The following KCNQ5 variants were observed in gnomAD, a reference collection of about 807,000 sequenced individuals.
KCNQ5 encodes the protein potassium voltage-gated channel subfamily KQT member 5.
In KCNQ5, 30 loss-of-function variants were observed where a neutral mutation model predicts 98.2. The observed-to-expected ratio is 0.31, with a 90% confidence interval of 0.23 to 0.41. The LOEUF is 0.41. KCNQ5 is among the 10% of genes least tolerant of loss of function. The probability of loss-of-function intolerance (pLI) is 1.00; values close to 1 mark genes in which losing one functional copy is unlikely to be tolerated. For synonymous variants in KCNQ5, 458 were observed against 449.4 expected (o/e 1.02, Z -0.24); for missense variants, 835 against 1,182.5 (o/e 0.71, Z 4.31).
chr6:72,872,403 A>G (rs540811095), intron 1 of KCNQ5, among the ~76,000 whole-genome samples: 4 of 152,152 alleles, frequency 2.6e-5, no homozygotes, highest in Non-Finnish European at 5.9e-5. Context: ...GCACATGAGG[A>G]CGTGGTTTGT....
intron 1 of KCNQ5, among the ~76,000 whole-genome samples, chr6:72,927,529 T>C (rs1765481917): frequency 6.6e-6 from 1 of 152,036 alleles, no homozygotes; most frequent in African/African-American, 2.4e-5. Context: ...AATAAGAATT[T>C]TAAATAAATT....
At chr6:72,981,406 A>G (rs1768441879) in intron 1 of KCNQ5, among the ~76,000 whole-genome samples, 1 of 152,092 alleles carries the variant, frequency 6.6e-6, no homozygotes, top group South Asian at 2.1e-4. Context: ...TATGTATAGG[A>G]ATTTATCTAT....
chr6:72,755,303 A>G (rs1398515783), intron 1 of KCNQ5, among the ~76,000 whole-genome samples: 3 of 151,942 alleles, frequency 2.0e-5, no homozygotes, highest in Admixed American at 2.0e-4. Flanking sequence ...TAATTTGACA[A>G]TTTCTGTCTA....
chr6:72,765,545 G>C (rs944015024), intron 1 of KCNQ5, among the ~76,000 whole-genome samples: 2 of 151,758 alleles, frequency 1.3e-5, no homozygotes, highest in African/African-American at 4.8e-5. Context: ...CTGTGAAGAG[G>C]GACCAGATAT....
At position 73,124,963 on chromosome 6, in the gene KCNQ5, A is replaced by G. The variant is rs1437016180; in HGVS notation, c.1247+451A>G. 2.7e-3 allele frequency among the ~76,000 whole-genome samples: 25 copies of G among 9,296 alleles called. 1 individual carries two copies. Among genetic ancestry groups the G allele is most frequent in the Non-Finnish European group, 3.6e-3 (19 of 5,222 alleles). The allele number at this position is 9,296 out of a possible 152,430, so 6.1% of individuals were successfully genotyped here. ...TATATATATATATATATATATATAT[A>G]TATATATATATATATATACACACAC... On this transcript the variant is annotated intron_variant, in intron 9 of 13. Transcript: ENST00000370398.
chr6:73,006,303 C>T (rs184262128), intron 2 of KCNQ5, among the ~76,000 whole-genome samples: 162 of 151,938 alleles, frequency 1.1e-3, no homozygotes, highest in African/African-American at 3.9e-3. Flanking sequence ...AAGGAATTAC[C>T]ATCCAAAGGA....
At chr6:72,680,048 TA>T (rs1012900916) in intron 1 of KCNQ5, among the ~76,000 whole-genome samples, 18 of 151,998 alleles carry the variant, frequency 1.2e-4, no homozygotes, top group African/African-American at 4.3e-4. Flanking sequence ...ATCTCAAAAA[TA>T]AAAAAAATTT....
intron 11 of KCNQ5, among the ~76,000 whole-genome samples, chr6:73,175,368 T>C (rs978288888): frequency 9.3e-5 from 14 of 150,750 alleles, no homozygotes; most frequent in African/African-American, 3.4e-4. Context: ...CAGGCTGGTC[T>C]CGAACTCTCG....
chr6:72,819,702 G>A (rs757698838), intron 1 of KCNQ5, among the ~76,000 whole-genome samples: 3 of 152,146 alleles, frequency 2.0e-5, no homozygotes, highest in Admixed American at 6.6e-5. Flanking sequence ...GGCTCTGGCC[G>A]ACAGGCTAGC....
chr6:72,876,493 C>A (rs1778414068), intron 1 of KCNQ5, among the ~76,000 whole-genome samples: 1 of 152,068 alleles, frequency 6.6e-6, no homozygotes, highest in African/African-American at 2.4e-5. Context: ...GTGGATAGTT[C>A]TAATAAATCA....
chr6:72,746,623 A>G (rs1355693875), intron 1 of KCNQ5, among the ~76,000 whole-genome samples: 1 of 152,202 alleles, frequency 6.6e-6, no homozygotes, highest in African/African-American at 2.4e-5. Flanking sequence ...ACTACATTGG[A>G]TATATTTAGC....
intron 1 of KCNQ5, among the ~76,000 whole-genome samples, chr6:72,735,826 G>T (rs1269931578): frequency 6.6e-6 from 1 of 151,720 alleles, no homozygotes; most frequent in Admixed American, 6.6e-5. Context: ...TTGTATAAAG[G>T]CTTTGTTTAT....
intron 8 of KCNQ5, among the ~76,000 whole-genome samples, chr6:73,123,494 G>A (rs576061873): frequency 2.4e-3 from 361 of 152,190 alleles, no homozygotes; most frequent in African/African-American, 8.1e-3. Context: ...ATGGGAGGAG[G>A]GACACTCAAA....
intron 1 of KCNQ5, among the ~76,000 whole-genome samples, chr6:72,893,931 C>A (rs1271699997): frequency 6.6e-6 from 1 of 152,146 alleles, no homozygotes; most frequent in East Asian, 1.9e-4. Flanking sequence ...GGATTCTCAT[C>A]CTTTCTGATG....
At position 73,092,542 on chromosome 6, in the gene KCNQ5, A is replaced by C. The variant is rs1453470006; in HGVS notation, c.919-12715A>C. On this transcript the variant is annotated intron_variant, in intron 5 of 13. Coordinates refer to ENST00000370398, the MANE Select transcript of KCNQ5 (RefSeq NM_019842.4). ...GTCATAGGTGACTTTTATTACTTTT[A>C]TTACATTGTTATATTATGACATTTT... Among the ~76,000 whole-genome samples, 5 of 152,096 alleles carry C rather than the reference A, an allele frequency of 3.3e-5. No homozygotes were observed. The South Asian group carries it at 1.0e-3, about 32-fold the overall frequency.
chr6:72,918,316 T>C (rs1780252660), intron 1 of KCNQ5, among the ~76,000 whole-genome samples: 1 of 152,180 alleles, frequency 6.6e-6, no homozygotes, highest in Non-Finnish European at 1.5e-5. Context: ...TTTTCACTAA[T>C]GTCAATCAGT....
chr6:73,102,189 A>G (rs138911802), intron 5 of KCNQ5, among the ~76,000 whole-genome samples: 33 of 152,324 alleles, frequency 2.2e-4, no homozygotes, highest in African/African-American at 7.5e-4. Context: ...GAAACTGGAT[A>G]TCCATATGAA....
At chr6:73,027,549 A>G (rs1247088799) in intron 2 of KCNQ5, among the ~76,000 whole-genome samples, 7 of 152,212 alleles carry the variant, frequency 4.6e-5, no homozygotes, top group Non-Finnish European at 8.8e-5. Flanking sequence ...GTTGCCAAAT[A>G]AAGATCCTGC....
intron 1 of KCNQ5, among the ~76,000 whole-genome samples, chr6:72,842,808 CT>C (rs1776856888): frequency 6.6e-6 from 1 of 152,034 alleles, no homozygotes; most frequent in South Asian, 2.1e-4. Context: ...CTGTTTATAT[CT>C]TTTGCCCACT....
Sources: gnomAD v4.1 joint callset for allele counts (sites outside exome capture counted in the v4.1 genomes callset) on GRCh38, gnomAD v4.1.1 for gene constraint, MANE v1.5 for transcripts, NCBI Gene and HGNC (gene_info 2026-07-23, HGNC 2026-07-21) for gene names.